The following GRAP2 variants were observed in gnomAD, a reference collection of about 807,000 sequenced individuals.
GRAP2 encodes the protein GRB2 related adaptor protein 2.
A neutral mutation model predicts 43.5 loss-of-function variants in GRAP2; 31 were observed. That is an observed-to-expected ratio of 0.71 (90% CI 0.54 to 0.96). The LOEUF is 0.96. Ranked by LOEUF, GRAP2 falls within the 40% of genes least tolerant of loss-of-function variation. GRAP2 has a pLI of 0.00. For synonymous variants in GRAP2, 156 were observed against 164.8 expected (o/e 0.95, Z 0.41); for missense variants, 371 against 424.4 (o/e 0.87, Z 1.11).
chr22:39,905,158 G>A (rs913626173), intron 1 of GRAP2, among the ~76,000 whole-genome samples: 1 of 152,102 alleles, frequency 6.6e-6, no homozygotes, highest in Non-Finnish European at 1.5e-5. Flanking sequence ...GTATCTCAAA[G>A]TGTATCTCAT....
intron 4 of GRAP2, 106 bp downstream of exon 4, chr22:39,960,280 A>T: frequency 1.8e-6 from 2 of 1,129,180 alleles, no homozygotes. Context: ...GGTCAGAAGC[A>T]TGGTGGCCTA....
At chr22:39,925,805 C>T (rs1035776595) in intron 1 of GRAP2, among the ~76,000 whole-genome samples, 8 of 152,192 alleles carry the variant, frequency 5.3e-5, no homozygotes, top group East Asian at 1.9e-4. Flanking sequence ...CCTGAGTCCC[C>T]GACTTCATCT....
At chr22:39,911,849 A>G (rs1207987142) in intron 1 of GRAP2, among the ~76,000 whole-genome samples, 1 of 152,204 alleles carries the variant, frequency 6.6e-6, no homozygotes, top group Admixed American at 6.5e-5. Flanking sequence ...AGAAGTGAGG[A>G]TCTCAGACCC....
In GRAP2 at chr22:39,971,220, A is replaced by G; in HGVS notation, c.*136A>G. On this transcript the variant is annotated 3_prime_UTR_variant, in exon 8 of 8. Transcript: ENST00000344138. ...GTGTACACACACAACTTTTTATACTAGTAATTTATTGGCAATTGGGCTGGT... is the reference window on the plus strand; with the variant it reads ...GTGTACACACACAACTTTTTATACTGGTAATTTATTGGCAATTGGGCTGGT... 3.2e-6 allele frequency: 2 copies of G among 631,368 alleles called. No homozygotes were observed. Among genetic ancestry groups the G allele is most frequent in the Non-Finnish European group, 5.3e-6 (2 of 380,308 alleles). The allele number at this position is 631,368 out of a possible 1,614,324, so 39.1% of individuals were successfully genotyped here.
intron 1 of GRAP2, among the ~76,000 whole-genome samples, chr22:39,910,155 G>A (rs973645859): frequency 7.9e-5 from 12 of 152,124 alleles, no homozygotes; most frequent in African/African-American, 2.7e-4. Flanking sequence ...TTGGACTCTA[G>A]CTTAGGGCCT....
chr22:39,910,494 T>A (rs1050839294), intron 1 of GRAP2, among the ~76,000 whole-genome samples: 15 of 152,032 alleles, frequency 9.9e-5, no homozygotes, highest in African/African-American at 3.4e-4. Context: ...CTGCAACCTC[T>A]GCCTCGTGAG....
At chr22:39,943,942 A>G (rs771952695) in intron 1 of GRAP2, among the ~76,000 whole-genome samples, 23 of 151,996 alleles carry the variant, frequency 1.5e-4, no homozygotes, top group Non-Finnish European at 1.8e-4. Flanking sequence ...GATGGTCTCC[A>G]TCTCTTGACC....
intron 3 of GRAP2, 104 bp from the exon 4 acceptor site, chr22:39,959,949 TAC>T (rs2067099227): frequency 5.9e-6 from 6 of 1,016,302 alleles, no homozygotes; most frequent in African/African-American, 1.6e-5. Flanking sequence ...CTCCCTACTG[TAC>T]AGAGTCCCCA....
At chr22:39,965,634 G>A (rs557642278) in intron 4 of GRAP2, among the ~76,000 whole-genome samples, 2 of 152,208 alleles carry the variant, frequency 1.3e-5, no homozygotes, top group Non-Finnish European at 2.9e-5. Flanking sequence ...AAATACCCCT[G>A]TTGACATCTT....
chr22:39,969,604 G>T (rs565876219), intron 7 of GRAP2, 71 bp downstream of exon 7: 2 of 1,515,484 alleles, frequency 1.3e-6, no homozygotes, highest in African/African-American at 2.7e-5. Context: ...AGGAGATGAG[G>T]CAGGAGAGAC....
Position 39,960,190 on chromosome 22 carries a change from G to C in GRAP2, c.290+16G>C. The C allele has an allele frequency of 6.2e-7, 1 of 1,612,574 alleles. No homozygotes were observed. Among genetic ancestry groups the C allele is most frequent in the Non-Finnish European group, 8.5e-7 (1 of 1,178,594 alleles). On this transcript the variant is annotated intron_variant, in intron 4 of 7. Transcript: ENST00000344138. Reference sequence around the variant, plus strand: ...TCTCTGTCAGGTACTGACCATTCCTGACACTGCCTTGGCCCTTCTCGGCCT... The same window carrying C: ...TCTCTGTCAGGTACTGACCATTCCTCACACTGCCTTGGCCCTTCTCGGCCT...
intron 1 of GRAP2, among the ~76,000 whole-genome samples, chr22:39,917,007 A>G (rs1166979586): frequency 1.3e-5 from 2 of 152,242 alleles, no homozygotes; most frequent in Non-Finnish European, 2.9e-5. Context: ...TCAGTCATGT[A>G]GAATAGAAAG....
At chr22:39,914,638 T>G (rs1025855202) in intron 1 of GRAP2, among the ~76,000 whole-genome samples, 3 of 152,230 alleles carry the variant, frequency 2.0e-5, no homozygotes, top group Non-Finnish European at 2.9e-5. Flanking sequence ...TAAGTGGATA[T>G]GTTGATGCAT....
intron 1 of GRAP2, among the ~76,000 whole-genome samples, chr22:39,943,175 G>A (rs1420083531): frequency 6.6e-6 from 1 of 152,202 alleles, no homozygotes; most frequent in African/African-American, 2.4e-5. Context: ...ACGTGTTTCT[G>A]AACAAATCCA....
upstream of GRAP2, among the ~76,000 whole-genome samples, chr22:39,900,021 T>TC (rs2066483967): frequency 6.6e-6 from 1 of 152,150 alleles, no homozygotes; most frequent in Non-Finnish European, 1.5e-5. Flanking sequence ...GAAAATTACT[T>TC]CCTTTAACTC....
intron 1 of GRAP2, among the ~76,000 whole-genome samples, chr22:39,933,144 G>GT (rs137984): frequency 0.28 from 42,589 of 152,196 alleles, 7,265 homozygotes; most frequent in African/African-American, 0.48. Flanking sequence ...CTTTGTTTAA[G>GT]TAAGAAGAAT....
chr22:39,907,429 T>A (rs1283644011), intron 1 of GRAP2, among the ~76,000 whole-genome samples: 1 of 152,206 alleles, frequency 6.6e-6, no homozygotes, highest in Non-Finnish European at 1.5e-5. Flanking sequence ...TGTCTTTCTC[T>A]AGAGTTATTG....
At chr22:39,959,394 G>A (rs2067091962) in intron 3 of GRAP2, among the ~76,000 whole-genome samples, 1 of 152,210 alleles carries the variant, frequency 6.6e-6, no homozygotes, top group Non-Finnish European at 1.5e-5. Flanking sequence ...CCAGGATCTG[G>A]TTGTATAGAC....
intron 1 of GRAP2, among the ~76,000 whole-genome samples, chr22:39,936,693 A>G (rs1014452001): frequency 5.9e-5 from 9 of 152,022 alleles, no homozygotes; most frequent in African/African-American, 1.9e-4. Context: ...AGAGAGAGAA[A>G]GAGGAAGAGA....
Sources: gnomAD v4.1 joint callset for allele counts (sites outside exome capture counted in the v4.1 genomes callset) on GRCh38, gnomAD v4.1.1 for gene constraint, MANE v1.5 for transcripts, NCBI Gene and HGNC (gene_info 2026-07-23, HGNC 2026-07-21) for gene names.